The following MMP16 variants were observed in gnomAD, a reference collection of about 807,000 sequenced individuals.
MMP16 encodes the protein matrix metalloproteinase-16.
In MMP16, 12 loss-of-function variants were observed where a neutral mutation model predicts 67.8. The ratio of observed to expected loss-of-function variants is 0.18; its 90% confidence interval spans 0.11 to 0.29. The LOEUF (loss-of-function observed/expected upper bound fraction) is 0.29. MMP16 is among the 10% of genes least tolerant of loss of function. The probability of loss-of-function intolerance (pLI) is 1.00; values close to 1 mark genes in which losing one functional copy is unlikely to be tolerated. For missense variants in MMP16, 475 were observed against 765.7 expected (o/e 0.62, Z 4.48); for synonymous variants, 249 against 255.9 (o/e 0.97, Z 0.26).
At chr8:88,191,825 T>A (rs1809173813) in intron 2 of MMP16, among the ~76,000 whole-genome samples, 1 of 152,240 alleles carries the variant, frequency 6.6e-6, no homozygotes, top group Non-Finnish European at 1.5e-5. Flanking sequence ...GTACTGGGTA[T>A]CCTGTGCTGG....
intron 1 of MMP16, among the ~76,000 whole-genome samples, chr8:88,322,153 A>C (rs1226576890): frequency 1.3e-5 from 2 of 152,156 alleles, no homozygotes; most frequent in Non-Finnish European, 2.9e-5. Flanking sequence ...TTGGGGTTTG[A>C]TCCAATTAAA....
intron 9 of MMP16, among the ~76,000 whole-genome samples, chr8:88,043,314 G>A (rs935527043): frequency 3.9e-5 from 6 of 151,908 alleles, no homozygotes; most frequent in African/African-American, 9.7e-5. Context: ...ATGGAGTTTC[G>A]CTCTTGCTGC....
intron 1 of MMP16, among the ~76,000 whole-genome samples, chr8:88,200,258 C>A (rs1809321401): frequency 6.6e-6 from 1 of 151,956 alleles, no homozygotes; most frequent in African/African-American, 2.4e-5. Flanking sequence ...ATACATTTGA[C>A]AAACTGATTT....
At chr8:88,251,517 T>C (rs1236205332) in intron 1 of MMP16, among the ~76,000 whole-genome samples, 1 of 134,850 alleles carries the variant, frequency 7.4e-6, no homozygotes, top group East Asian at 2.2e-4. Flanking sequence ...GACTTAAACG[T>C]TAGACCTAAA....
chr8:88,325,249 G>A (rs898739821), intron 1 of MMP16, among the ~76,000 whole-genome samples: 1 of 152,052 alleles, frequency 6.6e-6, no homozygotes, highest in Non-Finnish European at 1.5e-5. Context: ...AACTTACTGA[G>A]GGATTCCAAT....
At chr8:88,253,993 A>G (rs192765078) in intron 1 of MMP16, among the ~76,000 whole-genome samples, 1 of 152,232 alleles carries the variant, frequency 6.6e-6, no homozygotes, top group Admixed American at 6.5e-5. Flanking sequence ...TTGTTCTACT[A>G]TAAAGACACA....
chr8:88,068,838 A>T (rs1247233762), intron 7 of MMP16, among the ~76,000 whole-genome samples: 1 of 151,992 alleles, frequency 6.6e-6, no homozygotes, highest in Non-Finnish European at 1.5e-5. Flanking sequence ...AGTGGCTGGG[A>T]TTGCAGAAGC....
intron 2 of MMP16, among the ~76,000 whole-genome samples, chr8:88,190,842 G>A (rs1240201678): frequency 6.6e-6 from 1 of 151,858 alleles, no homozygotes; most frequent in Non-Finnish European, 1.5e-5. Flanking sequence ...TTGCGACAGT[G>A]TCATTGCTTA....
chr8:88,305,043 T>A (rs1037607672), intron 1 of MMP16, among the ~76,000 whole-genome samples: 19 of 152,158 alleles, frequency 1.2e-4, no homozygotes, highest in Non-Finnish European at 2.1e-4. Flanking sequence ...CATGCTGTAT[T>A]CAACAGACCC....
At position 88,321,168 on chromosome 8, in the gene MMP16, T is replaced by C. The variant is rs1461951409; in HGVS notation, c.132+5907A>G. 2.0e-5 allele frequency among the ~76,000 whole-genome samples: 3 copies of C among 152,150 alleles called. No individual in the cohort carries two copies. In the East Asian group the frequency reaches 5.8e-4, roughly 29 times the overall value. Reference sequence around the variant, plus strand: ...GATTTTTCATATTCAAAATCAAATATGTGGTGAAGAACAAAAAAATCCTCA... The same window carrying C: ...GATTTTTCATATTCAAAATCAAATACGTGGTGAAGAACAAAAAAATCCTCA... On this transcript the variant is annotated intron_variant, in intron 1 of 9. Coordinates refer to ENST00000286614, the MANE Select transcript of MMP16 (RefSeq NM_005941.5).
intron 4 of MMP16, among the ~76,000 whole-genome samples, chr8:88,156,651 T>C (rs1280539862): frequency 1.3e-5 from 2 of 152,098 alleles, no homozygotes; most frequent in East Asian, 3.9e-4. Context: ...GTTATTAATC[T>C]TAGATAATTT....
At position 88,116,772 on chromosome 8, in the gene MMP16, G is replaced by A. The variant is rs139634276; in HGVS notation, c.872-54C>T. 566 of 1,465,804 alleles carry A rather than the reference G, an allele frequency of 3.9e-4. 4 individuals are homozygous for A. In the African/African-American group the frequency reaches 5.7e-3, roughly 15 times the overall value. 90.8% of individuals were successfully genotyped at this position (1,465,804 alleles called of 1,614,324 possible). A position where few individuals can be genotyped will look rare whatever the true frequency, so the allele number is the denominator to read the frequency against. On this transcript the variant is annotated intron_variant, in intron 5 of 9. Coordinates refer to ENST00000286614, the MANE Select transcript of MMP16 (RefSeq NM_005941.5). Reference sequence around the variant, plus strand: ...CTCACTTAAAACTGGAATAGAGCTGGAAAATATGCTACAGAGAACAATCAC... The same window carrying A: ...CTCACTTAAAACTGGAATAGAGCTGAAAAATATGCTACAGAGAACAATCAC...
chr8:88,167,174 T>C (rs1005977064), intron 4 of MMP16, among the ~76,000 whole-genome samples: 9 of 152,068 alleles, frequency 5.9e-5, no homozygotes, highest in African/African-American at 2.2e-4. Context: ...ATTGTGCCAT[T>C]GCACTCCAGC....
intron 4 of MMP16, among the ~76,000 whole-genome samples, chr8:88,160,846 C>A (rs951606747): frequency 6.6e-6 from 1 of 151,988 alleles, no homozygotes; most frequent in Non-Finnish European, 1.5e-5. Context: ...ATGTTTATTA[C>A]GTTTATTGAT....
intron 4 of MMP16, among the ~76,000 whole-genome samples, chr8:88,160,212 A>T (rs1380552601): frequency 6.6e-6 from 1 of 151,940 alleles, no homozygotes; most frequent in Non-Finnish European, 1.5e-5. Context: ...GTGAGTGAGA[A>T]CATGCGGTGT....
chr8:88,193,627 G>A (rs1317437692), intron 2 of MMP16, among the ~76,000 whole-genome samples: 2 of 151,924 alleles, frequency 1.3e-5, no homozygotes, highest in Non-Finnish European at 2.9e-5. Context: ...AAATGCTTGA[G>A]GTGATAGATA....
At chr8:88,122,740 G>A (rs1015080967) in intron 4 of MMP16, among the ~76,000 whole-genome samples, 10 of 151,372 alleles carry the variant, frequency 6.6e-5, no homozygotes, top group African/African-American at 2.4e-4. Context: ...GCCAGCCTCC[G>A]AGATGACAAC....
At chr8:88,145,116 G>A (rs1808269991) in intron 4 of MMP16, among the ~76,000 whole-genome samples, 1 of 151,844 alleles carries the variant, frequency 6.6e-6, no homozygotes, top group Non-Finnish European at 1.5e-5. Flanking sequence ...TTAATGATGG[G>A]GATAGGCTCC....
intron 1 of MMP16, among the ~76,000 whole-genome samples, chr8:88,235,580 C>A (rs1368687895): frequency 1.3e-5 from 2 of 152,040 alleles, no homozygotes; most frequent in Non-Finnish European, 2.9e-5. Context: ...GTAGATCCTA[C>A]TAGTAATAAT....
Sources: allele counts gnomAD v4.1 joint callset (sites outside exome capture counted in the v4.1 genomes callset), GRCh38; gene constraint gnomAD v4.1.1; transcripts MANE v1.5; gene names NCBI Gene and HGNC (gene_info 2026-07-23, HGNC 2026-07-21).